Variants in UBE3C observed in about 807,000 individuals in gnomAD.
The protein encoded by UBE3C is ubiquitin protein ligase E3C, also known as ubiquitin-protein ligase E3C.
In UBE3C, 42 loss-of-function variants were observed where a neutral mutation model predicts 129.4. That is an observed-to-expected ratio of 0.32 (90% confidence interval 0.25 to 0.42). The LOEUF is 0.42. Among genes scored for constraint, UBE3C ranks in the 10% least tolerant of loss-of-function variants. UBE3C has a pLI of 1.00. For synonymous variants in UBE3C, 510 were observed against 492.4 expected (o/e 1.04, Z -0.47); for missense variants, 1,049 against 1,319.1 (o/e 0.80, Z 3.17).
At position 157,167,639 on chromosome 7, in the gene UBE3C, G is replaced by A. The variant is rs539812244; in HGVS notation, c.121-1409G>A. Among the ~76,000 whole-genome samples, 9 of 151,804 alleles carry A rather than the reference G, an allele frequency of 5.9e-5. No individual in the cohort carries two copies. The East Asian group carries it at 1.8e-3, about 30-fold the overall frequency. On this transcript the variant is annotated intron_variant, in intron 2 of 22. Transcript: ENST00000348165. ...TGCAAGCTCCACCTCCCGGGTTCAC[G>A]CCATTCTCCTGCCTCTGCCTCCTGG...
At chr7:157,250,202 A>C (rs879656855) in intron 19 of UBE3C, among the ~76,000 whole-genome samples, 2 of 151,934 alleles carry the variant, frequency 1.3e-5, no homozygotes, top group African/African-American at 4.8e-5. Context: ...ACTTTAGCAT[A>C]TGGGGCTTTG....
chr7:157,211,847 G>A (rs912683206), intron 13 of UBE3C, among the ~76,000 whole-genome samples: 1 of 152,176 alleles, frequency 6.6e-6, no homozygotes, highest in African/African-American at 2.4e-5. Context: ...GTATCACCAC[G>A]TAGTGAAGGA....
intron 1 of UBE3C, among the ~76,000 whole-genome samples, chr7:157,159,076 G>C (rs1807995829): frequency 1.3e-5 from 2 of 152,158 alleles, no homozygotes; most frequent in African/African-American, 4.8e-5. Flanking sequence ...GTGAAGTCAT[G>C]GGCGGTAACT....
chr7:157,150,266 C>G (rs1460073668), intron 1 of UBE3C, among the ~76,000 whole-genome samples: 2 of 152,036 alleles, frequency 1.3e-5, no homozygotes, highest in Non-Finnish European at 2.9e-5. Context: ...GTAATCCCAG[C>G]TACTTGGGAG....
At chr7:157,213,543 CT>C (rs1481984926) in intron 13 of UBE3C, among the ~76,000 whole-genome samples, 1 of 152,238 alleles carries the variant, frequency 6.6e-6, no homozygotes, top group Non-Finnish European at 1.5e-5. Context: ...CCTCTACAAA[CT>C]TTCCCTTTTT....
chr7:157,192,544 A>G (rs573951527), intron 10 of UBE3C: 28 of 764,756 alleles, frequency 3.7e-5, no homozygotes, highest in African/African-American at 8.5e-5. Flanking sequence ...TCTGACTACA[A>G]CATTCAAAAG....
chr7:157,184,170 A>C, intron 9 of UBE3C, 141 bp downstream of exon 9: 1 of 1,061,342 alleles, frequency 9.4e-7, no homozygotes, highest in Non-Finnish European at 1.3e-6. Flanking sequence ...CAGCCCCACT[A>C]CCACAGTTTC....
rs1808295782 is a variant in UBE3C, at chr7:157,169,045, T to C, written c.121-3T>C. 6.2e-6 allele frequency: 10 copies of C among 1,613,144 alleles called. No homozygotes were observed. Among genetic ancestry groups the C allele is most frequent in the African/African-American group, 2.7e-5 (2 of 74,896 alleles). Reference sequence around the variant, plus strand: ...CTCCCTCACTCCTCCTTTTATTGTTTAGGAAGAAAGGCGAAGGTTGAAAAA... The same window carrying C: ...CTCCCTCACTCCTCCTTTTATTGTTCAGGAAGAAAGGCGAAGGTTGAAAAA... On this transcript the variant is annotated splice_region_variant and splice_polypyrimidine_tract_variant and intron_variant, in intron 2 of 22. Transcript: ENST00000348165.
chr7:157,162,105 T>C (rs1411776908), intron 1 of UBE3C, among the ~76,000 whole-genome samples: 1 of 152,132 alleles, frequency 6.6e-6, no homozygotes, highest in Non-Finnish European at 1.5e-5. Context: ...TGATTCTGAA[T>C]ATTGTTAGTT....
chr7:157,228,000 C>T (rs967766944), intron 17 of UBE3C, among the ~76,000 whole-genome samples: 1 of 152,228 alleles, frequency 6.6e-6, no homozygotes, highest in East Asian at 1.9e-4. Context: ...TTAGTAAAGT[C>T]AGATATCATC....
chr7:157,259,753 C>G (rs1373914971), intron 22 of UBE3C, among the ~76,000 whole-genome samples: 1 of 152,104 alleles, frequency 6.6e-6, no homozygotes, highest in East Asian at 1.9e-4. Flanking sequence ...AGAAGTGGAG[C>G]GACCCAAAAC....
chr7:157,243,140 G>A (rs938812898), intron 18 of UBE3C, among the ~76,000 whole-genome samples: 12 of 152,136 alleles, frequency 7.9e-5, no homozygotes, highest in African/African-American at 2.9e-4. Flanking sequence ...GAGGAAAATA[G>A]GACAGGAGAT....
chr7:157,198,657 C>G, intron 10 of UBE3C: 1 of 214,190 alleles, frequency 4.7e-6, no homozygotes, highest in South Asian at 7.4e-5. Context: ...GCCTCAGCCT[C>G]CTGAGCAGCT....
At chr7:157,252,137 A>G (rs1796635217) in intron 19 of UBE3C, among the ~76,000 whole-genome samples, 3 of 148,438 alleles carry the variant, frequency 2.0e-5, no homozygotes, top group Non-Finnish European at 3.0e-5. Flanking sequence ...CCTTGTCTCA[A>G]AAAAAAAAAA....
At chr7:157,177,929 G>GTT (rs3839850) in intron 5 of UBE3C, among the ~76,000 whole-genome samples, 4,927 of 140,926 alleles carry the variant, frequency 0.035, 189 homozygotes, top group African/African-American at 0.099. Flanking sequence ...GATGGATTCT[G>GTT]TTTTTTTTTT....
At position 157,254,078 on chromosome 7, in the gene UBE3C, G is replaced by A. The variant is rs1377423361; in HGVS notation, c.2819G>A (p.Arg940His). Residue 940 changes from arginine to histidine, a missense_variant, in exon 20 of 23, where the codon CGC becomes CAC. This residue lies in a region of UBE3C where 243 missense variants were observed against 368.7 expected (regional missense o/e 0.66). Transcript: ENST00000348165. ...RQIRQHCLAF[R>H]QGLANVVSLE... The stretch of plus-strand genomic sequence containing the variant: ...ATCCGCCAGCACTGCCTGGCTTTCC[G>A]CCAGGGCCTTGCCAATGTCGTCAGC... 34 of 1,613,226 alleles carry A rather than the reference G, an allele frequency of 2.1e-5. No individual in the cohort carries two copies. Among genetic ancestry groups the A allele is most frequent in the Non-Finnish European group, 2.2e-5 (26 of 1,179,744 alleles).
chr7:157,193,376 C>T (rs1291507372), intron 10 of UBE3C, among the ~76,000 whole-genome samples: 3 of 152,100 alleles, frequency 2.0e-5, no homozygotes, highest in Non-Finnish European at 4.4e-5. Flanking sequence ...ACCTGTGGCA[C>T]CTGGACTTAG....
At chr7:157,244,034 A>C (rs1296183391) in intron 18 of UBE3C, among the ~76,000 whole-genome samples, 1 of 152,088 alleles carries the variant, frequency 6.6e-6, no homozygotes, top group Non-Finnish European at 1.5e-5. Context: ...AGTTCAAGAC[A>C]ATCCTGGCCA....
intron 9 of UBE3C, among the ~76,000 whole-genome samples, chr7:157,185,473 T>C (rs1486553177): frequency 6.6e-6 from 1 of 152,222 alleles, no homozygotes; most frequent in Non-Finnish European, 1.5e-5. Flanking sequence ...TTCCTTTGTC[T>C]TGGGTATTGT....
Sources: gnomAD v4.1 joint callset for allele counts (sites outside exome capture counted in the v4.1 genomes callset) on GRCh38, gnomAD v4.1.1 for gene constraint, gnomAD v4.1.1 regional missense constraint, MANE v1.5 for transcripts, NCBI Gene and HGNC (gene_info 2026-07-23, HGNC 2026-07-21) for gene names.